The following EIF4G3 variants were observed in gnomAD, a reference collection of about 807,000 sequenced individuals.
The protein encoded by EIF4G3 is eukaryotic translation initiation factor 4 gamma 3.
A neutral mutation model predicts 186.4 loss-of-function variants in EIF4G3; 34 were observed. That is an observed-to-expected ratio of 0.18 (90% confidence interval 0.14 to 0.24). EIF4G3 has a LOEUF of 0.24. Ranked by LOEUF, EIF4G3 falls within the 10% of genes least tolerant of loss-of-function variation. EIF4G3 has a pLI of 1.00. For synonymous variants in EIF4G3, 673 were observed against 679.5 expected (o/e 0.99, Z 0.15); for missense variants, 1,536 against 1,948.5 (o/e 0.79, Z 3.99).
chr1:21,056,763 A>G (rs1329123462), intron 3 of EIF4G3, among the ~76,000 whole-genome samples: 1 of 152,214 alleles, frequency 6.6e-6, no homozygotes, highest in Non-Finnish European at 1.5e-5. Flanking sequence ...TTTTCCCATT[A>G]TTTGAAAGAT....
At chr1:21,174,703 A>T (rs2098066344) in intron 2 of EIF4G3, 1 of 152,190 alleles carries the variant, frequency 6.6e-6, no homozygotes, top group African/African-American at 2.4e-5. Flanking sequence ...CACTGAACAA[A>T]ACCAACCAGG....
Position 21,089,639 on chromosome 1 carries a change from TA to T in EIF4G3, c.-271-427del, listed in dbSNP as rs1235688737. On this transcript the variant is annotated intron_variant, in intron 2 of 36. Transcript: ENST00000602326. ...CAACACAGCAAGACCTCATCTCTACTAAATTAGCCGAGTGTGGTTGCCAGCA... is the reference window on the plus strand; with the variant it reads ...CAACACAGCAAGACCTCATCTCTACTAATTAGCCGAGTGTGGTTGCCAGCA... Among the ~76,000 whole-genome samples, 18 of 151,838 alleles carry T rather than the reference TA, an allele frequency of 1.2e-4. No homozygotes were observed. The East Asian group carries it at 3.5e-3, about 29-fold the overall frequency.
Position 21,093,818 on chromosome 1 carries a change from G to A in EIF4G3, c.-271-4605C>T, listed in dbSNP as rs984298907. Among the ~76,000 whole-genome samples, 4 of 152,072 alleles carry A rather than the reference G, an allele frequency of 2.6e-5. No homozygotes were observed. The South Asian group carries it at 8.3e-4, about 32-fold the overall frequency. On this transcript the variant is annotated intron_variant, in intron 2 of 36. Transcript: ENST00000602326. ...TGTCCTTTGTAGGGACATGGATGAAGCTGGAAACCATCATTCTCAGCAAAC... is the reference window on the plus strand; with the variant it reads ...TGTCCTTTGTAGGGACATGGATGAAACTGGAAACCATCATTCTCAGCAAAC...
intron 14 of EIF4G3, among the ~76,000 whole-genome samples, chr1:20,938,502 A>G (rs1366744328): frequency 6.6e-6 from 1 of 152,214 alleles, no homozygotes; most frequent in Admixed American, 6.5e-5. Context: ...AGACAAGTAA[A>G]AACTATTCTC....
chr1:21,125,804 A>ACACACT (rs1200727248), intron 2 of EIF4G3, among the ~76,000 whole-genome samples: 1 of 131,548 alleles, frequency 7.6e-6, no homozygotes, highest in African/African-American at 2.7e-5. Flanking sequence ...ACACACACAC[A>ACACACT]CTCTTATTAG....
chr1:21,167,773 T>A (rs2097882749), intron 2 of EIF4G3, among the ~76,000 whole-genome samples: 1 of 151,692 alleles, frequency 6.6e-6, no homozygotes, highest in Non-Finnish European at 1.5e-5. Flanking sequence ...AAAAAAAAAT[T>A]AGGACTCTGG....
chr1:21,143,295 A>T (rs1031948902), intron 2 of EIF4G3, among the ~76,000 whole-genome samples: 1 of 151,316 alleles, frequency 6.6e-6, no homozygotes, highest in Non-Finnish European at 1.5e-5. Flanking sequence ...GGAGAGAGAA[A>T]GAGAGACAAA....
intron 4 of EIF4G3, 29 bp downstream of exon 4, chr1:21,050,837 C>CT: frequency 1.5e-6 from 1 of 689,066 alleles, no homozygotes; most frequent in Non-Finnish European, 2.6e-6. Context: ...AGGGACATTT[C>CT]TTATTTTTTT....
intron 12 of EIF4G3, among the ~76,000 whole-genome samples, chr1:20,959,357 C>T (rs763447414): frequency 6.6e-6 from 1 of 151,978 alleles, no homozygotes; most frequent in Non-Finnish European, 1.5e-5. Context: ...GAAACGATCC[C>T]TATTTCTCAC....
chr1:21,018,999 T>A (rs1000558032), intron 4 of EIF4G3, among the ~76,000 whole-genome samples: 1 of 152,076 alleles, frequency 6.6e-6, no homozygotes, highest in African/African-American at 2.4e-5. Flanking sequence ...AGATGGTAAA[T>A]TTTGTGTATT....
At chr1:21,050,069 A>G (rs113799769) in intron 4 of EIF4G3, among the ~76,000 whole-genome samples, 162 of 152,336 alleles carry the variant, frequency 1.1e-3, no homozygotes, top group African/African-American at 3.8e-3. Flanking sequence ...ATAATGTTAT[A>G]AAAATGATTT....
At chr1:20,893,845 G>A (rs974947266) in intron 17 of EIF4G3, among the ~76,000 whole-genome samples, 9 of 149,964 alleles carry the variant, frequency 6.0e-5, no homozygotes, top group African/African-American at 2.2e-4. Flanking sequence ...TGATACGCTG[G>A]GAATGATTTA....
At chr1:21,071,877 A>G (rs1206692010) in intron 3 of EIF4G3, among the ~76,000 whole-genome samples, 1 of 152,128 alleles carries the variant, frequency 6.6e-6, no homozygotes, top group Non-Finnish European at 1.5e-5. Flanking sequence ...CCCAAATGCT[A>G]TTTTCCCAAA....
chr1:20,928,515 G>T (rs2095085971), intron 14 of EIF4G3, among the ~76,000 whole-genome samples: 1 of 151,842 alleles, frequency 6.6e-6, no homozygotes, highest in Non-Finnish European at 1.5e-5. Context: ...AGATTCTCCT[G>T]TCTCAGCCTC....
chr1:20,957,586 CA>C (rs1270257308), intron 12 of EIF4G3, among the ~76,000 whole-genome samples: 10 of 142,370 alleles, frequency 7.0e-5, no homozygotes, highest in Non-Finnish European at 1.4e-4. Context: ...AACAAACAAA[CA>C]AAAAAAGCAT....
intron 7 of EIF4G3, among the ~76,000 whole-genome samples, chr1:20,989,329 G>A (rs2080440415): frequency 6.6e-6 from 1 of 151,188 alleles, no homozygotes; most frequent in South Asian, 2.1e-4. Context: ...GTGGAGGCGG[G>A]TGGATCACCT....
chr1:21,085,437 T>G (rs1368377820), intron 3 of EIF4G3, among the ~76,000 whole-genome samples: 1 of 152,176 alleles, frequency 6.6e-6, no homozygotes, highest in South Asian at 2.1e-4. Flanking sequence ...TTTGCTCTAC[T>G]GTCCAGGCTG....
chr1:21,013,695 C>T (rs1026388479), intron 4 of EIF4G3, among the ~76,000 whole-genome samples: 1 of 152,154 alleles, frequency 6.6e-6, no homozygotes, highest in African/African-American at 2.4e-5. Flanking sequence ...ACTGATACAT[C>T]CCAGGAATCT....
intron 33 of EIF4G3, among the ~76,000 whole-genome samples, chr1:20,818,647 A>G (rs76616967): frequency 1.3e-5 from 2 of 151,060 alleles, no homozygotes; most frequent in East Asian, 3.9e-4. Context: ...TCTCAAAAAG[A>G]AAAAAAAAAT....
Sources: gnomAD v4.1 joint callset for allele counts (sites outside exome capture counted in the v4.1 genomes callset) on GRCh38, gnomAD v4.1.1 for gene constraint, MANE v1.5 for transcripts, NCBI Gene and HGNC (gene_info 2026-07-23, HGNC 2026-07-21) for gene names.